Variants in MPPED2 observed in about 807,000 individuals in gnomAD.
The protein encoded by MPPED2 is metallophosphoesterase domain containing 2.
MPPED2 carries 5 observed loss-of-function variants against 33.0 expected under a neutral mutation model. That is an observed-to-expected ratio of 0.15 (90% CI 0.08 to 0.32). The LOEUF (loss-of-function observed/expected upper bound fraction) is 0.32, where lower values mean the gene tolerates loss of function less well. Among genes scored for constraint, MPPED2 ranks in the 10% least tolerant of loss-of-function variants. The pLI is 1.00. For missense variants in MPPED2, 275 were observed against 372.1 expected (o/e 0.74, Z 2.15); for synonymous variants, 136 against 141.9 (o/e 0.96, Z 0.29).
intron 6 of MPPED2, among the ~76,000 whole-genome samples, chr11:30,390,210 C>T (rs1476696655): frequency 6.6e-6 from 1 of 152,182 alleles, no homozygotes; most frequent in Admixed American, 6.5e-5. Flanking sequence ...TTCAACAACA[C>T]TTTTTGAGCA....
chr11:30,394,697 G>A (rs1457802140), intron 6 of MPPED2, among the ~76,000 whole-genome samples: 1 of 152,050 alleles, frequency 6.6e-6, no homozygotes, highest in Non-Finnish European at 1.5e-5. Flanking sequence ...CTCCCACTCT[G>A]TAATTTGTAT....
intron 2 of MPPED2, among the ~76,000 whole-genome samples, chr11:30,537,412 A>T (rs796500626): frequency 6.6e-6 from 1 of 152,338 alleles, no homozygotes; most frequent in African/African-American, 2.4e-5. Context: ...TGCAGCAGAG[A>T]ACACACTGAA....
At chr11:30,389,813 G>A (rs1947748405) in intron 6 of MPPED2, among the ~76,000 whole-genome samples, 1 of 152,186 alleles carries the variant, frequency 6.6e-6, no homozygotes, top group Non-Finnish European at 1.5e-5. Context: ...GGAGCCCTTA[G>A]TTTTTGGAAC....
At chr11:30,444,685 T>C (rs1949726699) in intron 4 of MPPED2, among the ~76,000 whole-genome samples, 1 of 152,220 alleles carries the variant, frequency 6.6e-6, no homozygotes, top group Non-Finnish European at 1.5e-5. Flanking sequence ...ACGTTATTTT[T>C]TGGTTCTTTA....
At chr11:30,583,513 G>A (rs113339896) in intron 1 of MPPED2, among the ~76,000 whole-genome samples, 445 of 152,296 alleles carry the variant, frequency 2.9e-3, no homozygotes, top group African/African-American at 8.1e-3. Flanking sequence ...TCATGCTGGT[G>A]CTAGTTTGAT....
chr11:30,545,311 C>T (rs898880500), intron 2 of MPPED2, among the ~76,000 whole-genome samples: 1 of 152,008 alleles, frequency 6.6e-6, no homozygotes, highest in Admixed American at 6.6e-5. Context: ...AAACCAAATC[C>T]ATTTGAGAAG....
chr11:30,571,019 T>G (rs1254485061), intron 2 of MPPED2, among the ~76,000 whole-genome samples: 1 of 152,182 alleles, frequency 6.6e-6, no homozygotes, highest in African/African-American at 2.4e-5. Flanking sequence ...GTCCTGCAGT[T>G]TTTTAAGGAA....
At chr11:30,406,509 A>G (rs527486944), downstream of MPPED2, among the ~76,000 whole-genome samples, 75 of 152,258 alleles carry the variant, frequency 4.9e-4, 1 homozygote, top group African/African-American at 1.8e-3. Flanking sequence ...TTTCTCTCCC[A>G]TGGAAAAGCA....
At chr11:30,504,948 G>A (rs1427533634) in intron 3 of MPPED2, 8 of 489,074 alleles carry the variant, frequency 1.6e-5, no homozygotes, top group East Asian at 1.4e-4. Context: ...GCAGGAATGA[G>A]CACCAGTGTA....
At chr11:30,390,248 C>T (rs560389083) in intron 6 of MPPED2, among the ~76,000 whole-genome samples, 5 of 152,188 alleles carry the variant, frequency 3.3e-5, no homozygotes, top group South Asian at 2.1e-4. Flanking sequence ...GTGATTGACT[C>T]CCCTCTAACA....
intron 4 of MPPED2, among the ~76,000 whole-genome samples, chr11:30,431,160 TG>T (rs1327345112): frequency 1.3e-5 from 2 of 152,072 alleles, no homozygotes; most frequent in African/African-American, 4.8e-5. Context: ...TGCAGCGGGT[TG>T]GGGGGGATTC....
chr11:30,415,940 A>G (rs976141221), intron 5 of MPPED2, among the ~76,000 whole-genome samples: 1 of 152,258 alleles, frequency 6.6e-6, no homozygotes, highest in African/African-American at 2.4e-5. Context: ...CCTGCACCCA[A>G]TTAGGCTGCT....
At chr11:30,568,483 T>C (rs1031594571) in intron 2 of MPPED2, among the ~76,000 whole-genome samples, 1 of 152,162 alleles carries the variant, frequency 6.6e-6, no homozygotes, top group Non-Finnish European at 1.5e-5. Context: ...GTGCTATCTG[T>C]TTATAACATG....
At chr11:30,424,322 C>T (rs903962181) in intron 4 of MPPED2, among the ~76,000 whole-genome samples, 8 of 152,120 alleles carry the variant, frequency 5.3e-5, no homozygotes, top group Admixed American at 4.6e-4. Context: ...ACTCAGAAAC[C>T]GGGAGCCAAT....
intron 4 of MPPED2, among the ~76,000 whole-genome samples, chr11:30,437,697 A>G (rs1264193394): frequency 1.3e-5 from 2 of 152,172 alleles, no homozygotes; most frequent in Admixed American, 6.5e-5. Context: ...ATTTAGTCCT[A>G]TGGTTCAGCT....
At chr11:30,476,386 T>G (rs1951197108) in intron 4 of MPPED2, among the ~76,000 whole-genome samples, 1 of 152,024 alleles carries the variant, frequency 6.6e-6, no homozygotes, top group South Asian at 2.1e-4. Flanking sequence ...ATAGATTTCA[T>G]TTTTTAAAAA....
At chr11:30,439,759 C>G (rs573411722) in intron 4 of MPPED2, among the ~76,000 whole-genome samples, 1 of 152,260 alleles carries the variant, frequency 6.6e-6, no homozygotes, top group African/African-American at 2.4e-5. Context: ...ATTTATTTAC[C>G]TTTGTAATTT....
At chr11:30,384,408 G>A (rs1231276017), downstream of MPPED2, 2 of 151,632 alleles carry the variant, frequency 1.3e-5, no homozygotes, top group African/African-American at 2.4e-5. Context: ...TCTTTGAGGA[G>A]GATTTTTTTT....
intron 4 of MPPED2, among the ~76,000 whole-genome samples, chr11:30,461,708 T>C (rs1220591017): frequency 6.6e-6 from 1 of 152,152 alleles, no homozygotes; most frequent in African/African-American, 2.4e-5. Flanking sequence ...ATAGAGATGT[T>C]CCCTGGAAGT....
Sources: allele counts gnomAD v4.1 joint callset (sites outside exome capture counted in the v4.1 genomes callset), GRCh38; gene constraint gnomAD v4.1.1; transcripts MANE v1.5; gene names NCBI Gene and HGNC (gene_info 2026-07-23, HGNC 2026-07-21).